Variants in SELP observed in about 807,000 individuals in gnomAD.
SELP encodes the protein P-selectin.
In SELP, 92 loss-of-function variants were observed where a neutral mutation model predicts 104.1. The ratio of observed to expected loss-of-function variants is 0.88; its 90% CI spans 0.75 to 1.05. The LOEUF (loss-of-function observed/expected upper bound fraction) is 1.05. Among genes scored for constraint, SELP ranks in the 50% least tolerant of loss-of-function variants. SELP has a pLI of 0.00. For missense variants in SELP, 1,022 were observed against 1,017.3 expected, an observed-to-expected ratio of 1.00 and a Z score of -0.06; for synonymous variants, 397 against 364.5, an observed-to-expected ratio of 1.09 and a Z score of -1.01.
intron 10 of SELP, among the ~76,000 whole-genome samples, chr1:169,600,766 T>C (rs1661868333): frequency 6.6e-6 from 1 of 152,080 alleles, no homozygotes; most frequent in Non-Finnish European, 1.5e-5. Context: ...TATGGGAAAA[T>C]AAGAGGAACC....
intron 1 of SELP, among the ~76,000 whole-genome samples, chr1:169,620,077 G>A (rs1209179468): frequency 2.6e-5 from 4 of 151,982 alleles, no homozygotes; most frequent in East Asian, 1.9e-4. Context: ...GTGTGGTGGC[G>A]GGTGCTTGTA....
chr1:169,596,228 C>A, intron 11 of SELP, 94 bp from the exon 12 acceptor site: 1 of 1,133,562 alleles, frequency 8.8e-7, no homozygotes, highest in Non-Finnish European at 1.3e-6. Context: ...TTTTCACTCC[C>A]TTCATAACAA....
In SELP at chr1:169,609,497, A is replaced by G. The variant is rs777371691; in HGVS notation, c.1333+7T>C. On this transcript the variant is annotated splice_region_variant and intron_variant, in intron 8 of 16. Coordinates refer to ENST00000263686, the MANE Select transcript of SELP (RefSeq NM_003005.4). ...CACACAGAAAAACATTACCACTGTT[A>G]CAGTACCTTGACAGACTGGGGCTGG... The G allele has an allele frequency of 1.2e-6, 2 of 1,609,228 alleles. No homozygotes were observed. The highest frequency in any genetic ancestry group is 3.4e-5 in the Admixed American group (2 of 59,362).
chr1:169,604,074 A>G (rs1047580552), intron 9 of SELP, among the ~76,000 whole-genome samples: 1 of 152,154 alleles, frequency 6.6e-6, no homozygotes, highest in East Asian at 1.9e-4. Context: ...CCAACAGTGT[A>G]AAAGTGTTCC....
intron 13 of SELP, among the ~76,000 whole-genome samples, chr1:169,594,440 A>G (rs1309660171): frequency 1.3e-5 from 2 of 152,204 alleles, no homozygotes; most frequent in Non-Finnish European, 2.9e-5. Flanking sequence ...AGAGATTATA[A>G]CGAAGCAAAA....
chr1:169,613,080 G>A lies in SELP; in HGVS notation c.624C>T (p.His208=), dbSNP rs781066002. Residue 208 remains histidine, a synonymous_variant, in exon 5 of 17, where the codon CAC becomes CAT. Coordinates refer to ENST00000263686, the MANE Select transcript of SELP (RefSeq NM_003005.4). ...GAGGGTGGCTGCAGTTCATGAGCAC[G>A]TGTTGAGGGAGCTCAAGTTCTCCAC... ...RECGELELPQ[H]VLMNCSHPLG... 2.9e-5 allele frequency: 46 copies of A among 1,610,434 alleles called. No individual in the cohort carries two copies. The highest frequency in any genetic ancestry group is 6.7e-5 in the East Asian group (3 of 44,804).
chr1:169,611,554 C>A lies in SELP; in HGVS notation c.1085G>T (p.Gly362Val), dbSNP rs757325493. The change falls in exon 7 of 17, where the codon GGC becomes GTC. Residue 362 changes from glycine (G) to valine (V), a missense_variant. Coordinates refer to ENST00000263686, the MANE Select transcript of SELP (RefSeq NM_003005.4). ...GTCAATGCAGCGGAGCATGTCCAAGCCCCTCACTCTGTAGCCGGGCTGGCA... is the reference window on the plus strand; with the variant it reads ...GTCAATGCAGCGGAGCATGTCCAAGACCCTCACTCTGTAGCCGGGCTGGCA... ...FECQPGYRVRGLDMLRCIDSG... is the reference protein window; with the variant it reads ...FECQPGYRVRVLDMLRCIDSG... The A allele has an allele frequency of 1.2e-6, 2 of 1,614,114 alleles. No individual in the cohort carries two copies. Among genetic ancestry groups the A allele is most frequent in the East Asian group, 4.5e-5 (2 of 44,878 alleles).
chr1:169,609,636 G>A lies in SELP; in HGVS notation c.1201C>T (p.Pro401Ser), dbSNP rs1198386470. The A allele has an allele frequency of 6.2e-7, 1 of 1,614,018 alleles. No individual in the cohort carries two copies. Among genetic ancestry groups the A allele is most frequent in the South Asian group, 1.1e-5 (1 of 91,078 alleles). The stretch of plus-strand genomic sequence containing the variant: ...TCATACTGAAACGCTCTCAAGGATG[G>A]AGAGCAATCCATGCTTCCGTGGACA... ...SPVHGSMDCS[P>S]SLRAFQYDTN... The change falls in exon 8 of 17, where the codon CCA becomes TCA. Residue 401 changes from proline (P) to serine (S), a missense_variant. Pro to Ser is a moderately conservative substitution (Grantham distance 74). Coordinates refer to ENST00000263686, the MANE Select transcript of SELP (RefSeq NM_003005.4).
chr1:169,627,894 C>CA (rs1553233450), intron 1 of SELP, among the ~76,000 whole-genome samples: 1 of 151,622 alleles, frequency 6.6e-6, no homozygotes, highest in African/African-American at 2.4e-5. Flanking sequence ...CCCACTAAAA[C>CA]TTTTTTTTTG....
At chr1:169,613,846 C>A (rs1261725576) in intron 3 of SELP, among the ~76,000 whole-genome samples, 153 bp from the exon 4 acceptor site, 2 of 152,212 alleles carry the variant, frequency 1.3e-5, no homozygotes, top group Non-Finnish European at 2.9e-5. Context: ...GCCAACCTGT[C>A]CCTTGTGAAA....
rs1219424891 is a variant in SELP, at chr1:169,617,260, T to C, written c.249A>G (p.Leu83=). The part of the protein sequence containing the change: ...KNEIDYLNKV[L]PYYSSYYWIG... ...TCCAGTAGTAGGAGCTGTAGTAGGG[T>C]AGGACCTTATTGAGGTAATCAATTT... The change falls in exon 3 of 17, where the codon CTA becomes CTG. Residue 83 remains leucine (L), a synonymous_variant. Coordinates refer to ENST00000263686, the MANE Select transcript of SELP (RefSeq NM_003005.4). The C allele has an allele frequency of 6.2e-7, 1 of 1,614,142 alleles. No individual in the cohort carries two copies. Among genetic ancestry groups the C allele is most frequent in the Admixed American group, 1.7e-5 (1 of 60,012 alleles).
At chr1:169,600,011 C>T (rs970074113) in intron 10 of SELP, among the ~76,000 whole-genome samples, 6 of 152,152 alleles carry the variant, frequency 3.9e-5, no homozygotes, top group Non-Finnish European at 5.9e-5. Context: ...GTCCAACAGG[C>T]AGGGACAGGA....
Position 169,603,010 on chromosome 1 carries a change from C to CA in SELP, c.1705+15dup. ...TCATCTTTAAAGCCATAAGAAAGGA[C>CA]AGACCCACAGCCTACCTTCACACAT... On this transcript the variant is annotated intron_variant, in intron 10 of 16. Coordinates refer to ENST00000263686, the MANE Select transcript of SELP (RefSeq NM_003005.4). 6.3e-7 allele frequency: 1 copy of CA among 1,599,342 alleles called. No individual in the cohort carries two copies. Among genetic ancestry groups the CA allele is most frequent in the South Asian group, 1.1e-5 (1 of 89,372 alleles).
At chr1:169,602,298 G>A (rs1391443143) in intron 10 of SELP, among the ~76,000 whole-genome samples, 2 of 152,168 alleles carry the variant, frequency 1.3e-5, no homozygotes, top group African/African-American at 2.4e-5. Context: ...TGCACACATA[G>A]TTATGCTAGG....
chr1:169,598,375 C>T (rs1661734236), intron 10 of SELP, among the ~76,000 whole-genome samples: 1 of 152,136 alleles, frequency 6.6e-6, no homozygotes, highest in African/African-American at 2.4e-5. Flanking sequence ...TCTTCAAGAC[C>T]TATATGCTCC....
chr1:169,606,798 GGGTTATA>G (rs1332208656), intron 9 of SELP, 144 bp downstream of exon 9: 1 of 694,544 alleles, frequency 1.4e-6, no homozygotes, highest in Non-Finnish European at 2.4e-6. Flanking sequence ...TGGGATCCTT[GGGTTATA>G]GGACAAGAGG....
chr1:169,608,095 A>G (rs2142760), intron 8 of SELP, among the ~76,000 whole-genome samples: 73,128 of 151,208 alleles, frequency 0.48, 18,822 homozygotes, highest in East Asian at 0.96. Context: ...ACTCAGACTA[A>G]GTGTCAGCAT....
chr1:169,612,894 T>A (rs3917722), intron 5 of SELP, 35 bp downstream of exon 5: 20,177 of 1,514,404 alleles, frequency 0.013, 343 homozygotes, highest in African/African-American at 0.073. Flanking sequence ...CAAAATTCTA[T>A]GTCAGTGAGG....
chr1:169,596,331 C>A (rs1032883707), intron 11 of SELP, among the ~76,000 whole-genome samples, 197 bp from the exon 12 acceptor site: 1 of 152,014 alleles, frequency 6.6e-6, no homozygotes, highest in Non-Finnish European at 1.5e-5. Flanking sequence ...TAAAAATCAT[C>A]CTTGAGGAGA....
Sources: gnomAD v4.1 joint callset for allele counts (sites outside exome capture counted in the v4.1 genomes callset) on GRCh38, gnomAD v4.1.1 for gene constraint, MANE v1.5 for transcripts, NCBI Gene and HGNC (gene_info 2026-07-23, HGNC 2026-07-21) for gene names.